The following XPNPEP1 variants were observed in gnomAD, a reference collection of about 807,000 sequenced individuals.
The protein encoded by XPNPEP1 is X-prolyl aminopeptidase 1, also known as xaa-Pro aminopeptidase 1.
XPNPEP1 carries 39 observed loss-of-function variants against 92.4 expected under a neutral mutation model. The observed-to-expected ratio is 0.42, with a 90% CI of 0.33 to 0.55. XPNPEP1 has a LOEUF of 0.55. XPNPEP1 is among the 20% of genes least tolerant of loss of function. The pLI, the probability that XPNPEP1 is intolerant of heterozygous loss-of-function variation, is 0.08. For synonymous variants in XPNPEP1, 307 were observed against 299.4 expected, an observed-to-expected ratio of 1.03 and a Z score of -0.26; for missense variants, 654 against 856.1, an observed-to-expected ratio of 0.76 and a Z score of 2.95.
chr10:109,868,520 A>C, intron 20 of XPNPEP1, 94 bp downstream of exon 20: 10 of 1,107,956 alleles, frequency 9.0e-6, no homozygotes, highest in African/African-American at 1.6e-5. Flanking sequence ...AGACTGGATT[A>C]GAGAATTTAG....
chr10:109,884,137 G>A lies in XPNPEP1; in HGVS notation c.760C>T (p.Leu254Phe), dbSNP rs746769746. Reference sequence around the variant, plus strand: ...TTGTGCTCCACATCTGATCCTCGGAGATTAAATAGCCCTAGAAAAGAAATC... The same window carrying A: ...TTGTGCTCCACATCTGATCCTCGGAAATTAAATAGCCCTAGAAAAGAAATC... Reference protein sequence around the residue: ...ALDEIAWLFNLRGSDVEHNPV... With the variant: ...ALDEIAWLFNFRGSDVEHNPV... Residue 254 changes from leucine (L) to phenylalanine (F), a missense_variant, in exon 9 of 21, where the codon CTC (leucine) becomes TTC (phenylalanine). Leu to Phe is a conservative substitution (Grantham distance 22). Coordinates refer to ENST00000502935, the MANE Select transcript of XPNPEP1 (RefSeq NM_020383.4). 2 of 1,613,914 alleles carry A rather than the reference G, an allele frequency of 1.2e-6. No individual in the cohort carries two copies. Among genetic ancestry groups the A allele is most frequent in the Middle Eastern group, 1.6e-4 (1 of 6,062 alleles).
At chr10:109,893,237 C>A in intron 3 of XPNPEP1, 162 bp from the exon 4 acceptor site, 1 of 607,760 alleles carries the variant, frequency 1.6e-6, no homozygotes, top group South Asian at 2.1e-5. Flanking sequence ...AACAGATTAG[C>A]ACACACTGCA....
Position 109,884,306 on chromosome 10 carries a change from C to T in XPNPEP1, c.749-158G>A, listed in dbSNP as rs910301537. 1.2e-5 allele frequency: 8 copies of T among 640,956 alleles called. No homozygotes were observed. The South Asian group carries it at 1.6e-4, about 13-fold the overall frequency. The allele number at this position is 640,956 out of a possible 1,614,324, so 39.7% of individuals were successfully genotyped here. A position where few individuals can be genotyped will look rare whatever the true frequency, so the allele number is the denominator to read the frequency against. Reference sequence around the variant, plus strand: ...TGGAAGCCTGACTCCCGTCTGGTTCCACCTCTGAGCTGCAATTGCTCATGT... The same window carrying T: ...TGGAAGCCTGACTCCCGTCTGGTTCTACCTCTGAGCTGCAATTGCTCATGT... On this transcript the variant is annotated intron_variant, in intron 8 of 20. Transcript: ENST00000502935.
At chr10:109,884,945 C>T (rs1848312423) in intron 8 of XPNPEP1, among the ~76,000 whole-genome samples, 1 of 152,176 alleles carries the variant, frequency 6.6e-6, no homozygotes, top group Non-Finnish European at 1.5e-5. Context: ...AGTGATGAGG[C>T]ACCATTTTTT....
chr10:109,871,150 A>T, intron 17 of XPNPEP1: 1 of 390,786 alleles, frequency 2.6e-6, no homozygotes, highest in East Asian at 4.4e-5. Flanking sequence ...CCTACAGCAC[A>T]CAGAGGCCGT....
intron 19 of XPNPEP1, 75 bp from the exon 20 acceptor site, chr10:109,868,787 G>A: frequency 7.2e-7 from 1 of 1,386,748 alleles, no homozygotes; most frequent in Non-Finnish European, 1.0e-6. Context: ...CATTCCACCA[G>A]CATGCCATCC....
At position 109,882,363 on chromosome 10, in the gene XPNPEP1, C is replaced by T. The variant is rs543099587; in HGVS notation, c.1041+69G>A. 4 of 1,549,788 alleles carry T rather than the reference C, an allele frequency of 2.6e-6. No homozygotes were observed. The East Asian group carries it at 6.8e-5, about 26-fold the overall frequency. On this transcript the variant is annotated intron_variant, in intron 10 of 20. Transcript: ENST00000502935. ...AGGCAGCCTCAGAAATCTGCCTGTG[C>T]TCCAAAGACAATACCAGAACTGGGA...
chr10:109,903,976 T>TCA, intron 3 of XPNPEP1, among the ~76,000 whole-genome samples: 1 of 151,216 alleles, frequency 6.6e-6, no homozygotes, highest in Middle Eastern at 3.4e-3. Context: ...TCCCAAGTAC[T>TCA]CAGGACTACA....
intron 15 of XPNPEP1, among the ~76,000 whole-genome samples, chr10:109,875,085 A>AAGC (rs1195042317): frequency 6.6e-6 from 1 of 152,190 alleles, no homozygotes; most frequent in Non-Finnish European, 1.5e-5. Flanking sequence ...ATAGCCGTGA[A>AAGC]AGCAGCAAAA....
chr10:109,923,339 G>C (rs1850666305), intron 1 of XPNPEP1, 63 bp downstream of exon 1: 7 of 1,382,130 alleles, frequency 5.1e-6, no homozygotes, highest in Non-Finnish European at 6.6e-6. Context: ...GGTGCAACAC[G>C]CGCGGCCGCG....
intron 7 of XPNPEP1, among the ~76,000 whole-genome samples, chr10:109,886,837 C>G (rs1254770199): frequency 6.6e-6 from 1 of 152,230 alleles, no homozygotes; most frequent in Non-Finnish European, 1.5e-5. Flanking sequence ...GCACCCACCA[C>G]TTGATGTTCC....
chr10:109,923,277 T>C, intron 1 of XPNPEP1, 125 bp downstream of exon 1: 1 of 1,210,448 alleles, frequency 8.3e-7, no homozygotes, highest in Non-Finnish European at 1.0e-6. Flanking sequence ...AGCGCGGCCC[T>C]CGCCAGACTG....
At chr10:109,877,699 A>C in intron 14 of XPNPEP1, 91 bp downstream of exon 14, 68 of 1,392,118 alleles carry the variant, frequency 4.9e-5, no homozygotes, top group Non-Finnish European at 6.1e-5. Context: ...AGGTGGGCAC[A>C]GAGGCCTCTG....
At chr10:109,871,325 C>T (rs1474914604) in intron 17 of XPNPEP1, among the ~76,000 whole-genome samples, 1 of 152,192 alleles carries the variant, frequency 6.6e-6, no homozygotes, top group Non-Finnish European at 1.5e-5. Flanking sequence ...CAAGGCAGCC[C>T]AGGTCTTGTC....
In XPNPEP1 at chr10:109,882,494, G is replaced by A. The variant is rs1166546655; in HGVS notation, c.979C>T (p.Pro327Ser). 1 of 1,614,210 alleles carries A rather than the reference G, an allele frequency of 6.2e-7. No homozygotes were observed. Residue 327 changes from proline to serine, a missense_variant, in exon 10 of 21, where the codon CCA (proline) becomes TCA (serine). Pro to Ser is a moderately conservative substitution (Grantham distance 74). Transcript: ENST00000502935. The part of the protein sequence containing the change: ...ELKALCADLS[P>S]REKVWVSDKA... ...TCACTGACCCACACCTTCTCCCTTGGGGAGAGGTCAGCACACAGGGCCTTG... is the reference window on the plus strand; with the variant it reads ...TCACTGACCCACACCTTCTCCCTTGAGGAGAGGTCAGCACACAGGGCCTTG...
chr10:109,887,833 C>T (rs150008292), intron 7 of XPNPEP1, among the ~76,000 whole-genome samples: 2 of 152,184 alleles, frequency 1.3e-5, no homozygotes, highest in African/African-American at 2.4e-5. Flanking sequence ...ACGAGCTTTG[C>T]GAAAATAACC....
chr10:109,873,476 T>G (rs369073533), intron 15 of XPNPEP1, 49 bp from the exon 16 acceptor site: 5 of 1,611,396 alleles, frequency 3.1e-6, no homozygotes, highest in Non-Finnish European at 4.2e-6. Context: ...AAGCTTTAAG[T>G]CAAATATGAC....
intron 1 of XPNPEP1, among the ~76,000 whole-genome samples, chr10:109,922,881 C>G (rs576314150): frequency 3.9e-4 from 60 of 152,374 alleles, no homozygotes; most frequent in African/African-American, 1.3e-3. Flanking sequence ...TTCCCTTACA[C>G]AGCCTCTGAA....
intron 1 of XPNPEP1, among the ~76,000 whole-genome samples, chr10:109,915,691 T>C (rs1388352017): frequency 3.9e-5 from 6 of 152,224 alleles, no homozygotes; most frequent in Admixed American, 6.5e-5. Flanking sequence ...AGTTCTGTTA[T>C]TGTTTGCTTC....
Sources: gnomAD v4.1 joint callset for allele counts (sites outside exome capture counted in the v4.1 genomes callset) on GRCh38, gnomAD v4.1.1 for gene constraint, MANE v1.5 for transcripts, NCBI Gene and HGNC (gene_info 2026-07-23, HGNC 2026-07-21) for gene names.